Variants in TGFB2 observed in about 807,000 individuals in gnomAD.
TGFB2 encodes transforming growth factor beta-2 proprotein.
In TGFB2, 13 loss-of-function variants were observed where a neutral mutation model predicts 42.7. That is an observed-to-expected ratio of 0.30 (90% confidence interval 0.20 to 0.48). The LOEUF (loss-of-function observed/expected upper bound fraction) is 0.48, where lower values mean the gene tolerates loss of function less well. Ranked by LOEUF, TGFB2 falls within the 20% of genes least tolerant of loss-of-function variation. The pLI is 0.99. For missense variants in TGFB2, 390 were observed against 517.5 expected (o/e 0.75, Z 2.39); for synonymous variants, 193 against 193.6 (o/e 1.00, Z 0.03).
In TGFB2 at chr1:218,359,430, C is replaced by T. The variant is rs79232653; in HGVS notation, c.346+12383C>T. Reference sequence around the variant, plus strand: ...GCCATGATTCCACCTACTAAACTTACACTTTTCTTCTACGTAGAATGAGGT... The same window carrying T: ...GCCATGATTCCACCTACTAAACTTATACTTTTCTTCTACGTAGAATGAGGT... On this transcript the variant is annotated intron_variant, in intron 1 of 6. Coordinates refer to ENST00000366930, the MANE Select transcript of TGFB2 (RefSeq NM_003238.6). Among the ~76,000 whole-genome samples the T allele has an allele frequency of 1.3e-3, 191 of 152,334 alleles. No homozygotes were observed. The East Asian group carries it at 0.02, about 16-fold the overall frequency.
In TGFB2 at chr1:218,353,444, C is replaced by A. The variant is rs1174966303; in HGVS notation, c.346+6397C>A. 5.3e-5 allele frequency among the ~76,000 whole-genome samples: 8 copies of A among 152,166 alleles called. No homozygotes were observed. In the South Asian group the frequency reaches 1.7e-3, roughly 32 times the overall value. Reference sequence around the variant, plus strand: ...GGCCTTTCAGGGTCTGGTCCCTCCTCCTTGCTCAGCCCCTCCTCTCACTAA... The same window carrying A: ...GGCCTTTCAGGGTCTGGTCCCTCCTACTTGCTCAGCCCCTCCTCTCACTAA... On this transcript the variant is annotated intron_variant, in intron 1 of 6. Transcript: ENST00000366930.
At position 218,402,987 on chromosome 1, in the gene TGFB2, C is replaced by T. The variant is rs182214348; in HGVS notation, c.347-2182C>T. Reference sequence around the variant, plus strand: ...GGACCAGCTGTTCCAATCATGGGGGCGGGCATATTCCAGAGGAGAAAAAGT... The same window carrying T: ...GGACCAGCTGTTCCAATCATGGGGGTGGGCATATTCCAGAGGAGAAAAAGT... On this transcript the variant is annotated intron_variant, in intron 1 of 6. Coordinates refer to ENST00000366930, the MANE Select transcript of TGFB2 (RefSeq NM_003238.6). Among the ~76,000 whole-genome samples the T allele has an allele frequency of 4.3e-4, 66 of 152,256 alleles. No homozygotes were observed. In the East Asian group the frequency reaches 8.1e-3, roughly 19 times the overall value.
At chr1:218,358,248 T>C (rs1472280064) in intron 1 of TGFB2, among the ~76,000 whole-genome samples, 2 of 152,198 alleles carry the variant, frequency 1.3e-5, no homozygotes, top group Non-Finnish European at 2.9e-5. Context: ...AGCTCTAAAA[T>C]ATTTATTGTT....
At chr1:218,353,714 T>A (rs1236360042) in intron 1 of TGFB2, among the ~76,000 whole-genome samples, 1 of 151,936 alleles carries the variant, frequency 6.6e-6, no homozygotes, top group African/African-American at 2.4e-5. Context: ...CTGGGCAACA[T>A]AGCAAGATCT....
rs7531245 is a variant in TGFB2, at chr1:218,434,221, A to C, written c.643+7A>C. On this transcript the variant is annotated splice_region_variant and intron_variant, in intron 3 of 6. Coordinates refer to ENST00000366930, the MANE Select transcript of TGFB2 (RefSeq NM_003238.6). ...GAATGGCTTCACCATAAAGGTTACA[A>C]GCCACTCTCTCTTTTCCTCCCAAGA... The C allele has an allele frequency of 2.4e-3, 3,851 of 1,613,432 alleles. 88 individuals are homozygous for C. In the African/African-American group the frequency reaches 0.045, roughly 19 times the overall value.
At chr1:218,413,180 T>C (rs11466397) in intron 2 of TGFB2, among the ~76,000 whole-genome samples, 10,568 of 151,970 alleles carry the variant, frequency 0.07, 390 homozygotes, top group East Asian at 0.15. Flanking sequence ...AAGACCAGCC[T>C]GGGCAACATG....
At chr1:218,371,172 G>A (rs375075085) in intron 1 of TGFB2, among the ~76,000 whole-genome samples, 16 of 152,166 alleles carry the variant, frequency 1.1e-4, no homozygotes, top group African/African-American at 2.6e-4. Context: ...AATGTGGCAC[G>A]TGCCTGTGGT....
rs191469876 is a variant in TGFB2, at chr1:218,361,730, C to T, written c.346+14683C>T. Among the ~76,000 whole-genome samples the T allele has an allele frequency of 8.7e-4, 132 of 152,332 alleles. 1 individual carries two copies. Among genetic ancestry groups the T allele is most frequent in the African/African-American group, 2.7e-3 (111 of 41,588 alleles). ...ATACGAATGAGAAAACTTTGTCTGACTTGTTAATCTTGTGACAAACCGTTT... is the reference window on the plus strand; with the variant it reads ...ATACGAATGAGAAAACTTTGTCTGATTTGTTAATCTTGTGACAAACCGTTT... On this transcript the variant is annotated intron_variant, in intron 1 of 6. Coordinates refer to ENST00000366930, the MANE Select transcript of TGFB2 (RefSeq NM_003238.6).
At chr1:218,365,327 T>A (rs925032816) in intron 1 of TGFB2, among the ~76,000 whole-genome samples, 1 of 152,192 alleles carries the variant, frequency 6.6e-6, no homozygotes, top group African/African-American at 2.4e-5. Flanking sequence ...TTTCATCTTT[T>A]CCTCCCATAG....
rs1010924389 is a variant in TGFB2 at position 218,442,268 on chromosome 1, C to G, written c.*906C>G. 6.6e-6 allele frequency: 1 copy of G among 151,820 alleles called. No individual in the cohort carries two copies. Among genetic ancestry groups the G allele is most frequent in the African/African-American group, 2.4e-5 (1 of 41,320 alleles). The allele number at this position is 151,820 out of a possible 1,614,324, so 9.4% of individuals were successfully genotyped here. On this transcript the variant is annotated 3_prime_UTR_variant, in exon 7 of 7. Transcript: ENST00000366930. Reference sequence around the variant, plus strand: ...CAGACCTTAAAATATTGCTGTATAGCTATGCTATAGGTTTTTTCCTTTGTT... The same window carrying G: ...CAGACCTTAAAATATTGCTGTATAGGTATGCTATAGGTTTTTTCCTTTGTT...
At chr1:218,410,047 TC>T (rs1351120413) in intron 2 of TGFB2, among the ~76,000 whole-genome samples, 1 of 152,228 alleles carries the variant, frequency 6.6e-6, no homozygotes. Flanking sequence ...ATTCTGATTT[TC>T]CCTGGAAAGG....
chr1:218,401,912 A>C (rs988701018), intron 1 of TGFB2, among the ~76,000 whole-genome samples: 2 of 152,290 alleles, frequency 1.3e-5, no homozygotes, highest in Admixed American at 6.5e-5. Flanking sequence ...AGGGTCAAAG[A>C]CTGTGCTAGA....
intron 5 of TGFB2, among the ~76,000 whole-genome samples, 179 bp from the exon 6 acceptor site, chr1:218,437,164 A>G (rs1256924092): frequency 1.3e-5 from 2 of 152,192 alleles, no homozygotes; most frequent in African/African-American, 4.8e-5. Flanking sequence ...ACACCCTATC[A>G]TGAAAGTCAC....
intron 1 of TGFB2, among the ~76,000 whole-genome samples, chr1:218,402,544 GA>G (rs143843475): frequency 0.027 from 4,144 of 151,776 alleles, 171 homozygotes; most frequent in African/African-American, 0.089. Context: ...GAAAAGGGGG[GA>G]AAAAAATGGT....
At position 218,401,828 on chromosome 1, in the gene TGFB2, G is replaced by A. The variant is rs148008862; in HGVS notation, c.347-3341G>A. 3.6e-3 allele frequency among the ~76,000 whole-genome samples: 545 copies of A among 152,322 alleles called. 3 individuals carry two copies. The highest frequency in any genetic ancestry group is 0.012 in the African/African-American group (483 of 41,578). On this transcript the variant is annotated intron_variant, in intron 1 of 6. Transcript: ENST00000366930. ...CCTCAGTGGAGGGCGGGAGCCTGCC[G>A]CGTCCCGACTGGGCATCAAGGGGCC...
chr1:218,441,543 C>CT lies in TGFB2; in HGVS notation c.*182dup, dbSNP rs1435258473. On this transcript the variant is annotated 3_prime_UTR_variant, in exon 7 of 7. Coordinates refer to ENST00000366930, the MANE Select transcript of TGFB2 (RefSeq NM_003238.6). ...GAAGTTTGTGTTCTGTTTGTTAAAACTGGCATCTGACACAAAAAAAGTTGA... is the reference window on the plus strand; with the variant it reads ...GAAGTTTGTGTTCTGTTTGTTAAAACTTGGCATCTGACACAAAAAAAGTTGA... 3.9e-6 allele frequency: 2 copies of CT among 516,500 alleles called. No individual in the cohort carries two copies. Among genetic ancestry groups the CT allele is most frequent in the East Asian group, 6.9e-5 (2 of 29,140 alleles). 32.0% of individuals were successfully genotyped at this position (516,500 alleles called of 1,614,324 possible). A position where few individuals can be genotyped will look rare whatever the true frequency, so the allele number is the denominator to read the frequency against.
At chr1:218,355,365 G>C (rs1324568542) in intron 1 of TGFB2, among the ~76,000 whole-genome samples, 1 of 152,184 alleles carries the variant, frequency 6.6e-6, no homozygotes, top group African/African-American at 2.4e-5. Flanking sequence ...AAAGAAAGGA[G>C]AATAAATAAA....
At chr1:218,367,963 C>T (rs927917949) in intron 1 of TGFB2, among the ~76,000 whole-genome samples, 1 of 152,010 alleles carries the variant, frequency 6.6e-6, no homozygotes, top group South Asian at 2.1e-4. Context: ...CCGCCACTCC[C>T]AGCTAATTTT....
At chr1:218,424,622 C>A (rs778642825) in intron 2 of TGFB2, among the ~76,000 whole-genome samples, 12 of 152,198 alleles carry the variant, frequency 7.9e-5, no homozygotes, top group Non-Finnish European at 1.8e-4. Context: ...GACCACTGGG[C>A]TAGAAAGACC....
Sources: gnomAD v4.1 joint callset for allele counts (sites outside exome capture counted in the v4.1 genomes callset) on GRCh38, gnomAD v4.1.1 for gene constraint, MANE v1.5 for transcripts, NCBI Gene and HGNC (gene_info 2026-07-23, HGNC 2026-07-21) for gene names.